Variants in PDE8B observed in about 807,000 individuals in gnomAD.
PDE8B encodes the protein phosphodiesterase 8B, also known as high affinity cAMP-specific and IBMX-insensitive 3',5'-cyclic phosphodiesterase 8B.
PDE8B carries 26 observed loss-of-function variants against 101.3 expected under a neutral mutation model. The observed-to-expected ratio is 0.26, with a 90% CI of 0.19 to 0.36. The LOEUF (loss-of-function observed/expected upper bound fraction) is 0.36, where lower values mean the gene tolerates loss of function less well. Among genes scored for constraint, PDE8B ranks in the 10% least tolerant of loss-of-function variants. The pLI is 1.00. For synonymous variants in PDE8B, 424 were observed against 429.3 expected (o/e 0.99, Z 0.15); for missense variants, 810 against 1,163.1 (o/e 0.70, Z 4.42).
intron 12 of PDE8B, 43 bp from the exon 13 acceptor site, chr5:77,407,338 T>C (rs764242677): frequency 3.3e-6 from 5 of 1,523,050 alleles, no homozygotes; most frequent in African/African-American, 1.4e-5. Flanking sequence ...TTAGCCACAC[T>C]GAGCCACCGG....
At chr5:77,129,486 AT>A in the PDE8B span, among the ~76,000 whole-genome samples, 1 of 151,192 alleles carries the variant, frequency 6.6e-6, no homozygotes. Context: ...GAGTGATCAC[AT>A]TTCTACCTTA....
chr5:77,234,615 C>T (rs899021640), intron 1 of PDE8B, among the ~76,000 whole-genome samples: 5 of 152,134 alleles, frequency 3.3e-5, no homozygotes, highest in African/African-American at 7.2e-5. Flanking sequence ...CTTGTCTAGT[C>T]TACCAGAGAC....
chr5:77,132,793 A>G, the PDE8B span, among the ~76,000 whole-genome samples: 2 of 152,184 alleles, frequency 1.3e-5, no homozygotes, highest in South Asian at 4.1e-4. Context: ...CTTATTCTCT[A>G]GTAGCTTCTA....
chr5:77,401,726 T>C (rs1350726580), intron 11 of PDE8B, among the ~76,000 whole-genome samples: 2 of 152,190 alleles, frequency 1.3e-5, no homozygotes, highest in Admixed American at 6.5e-5. Flanking sequence ...GCTGTTTAAA[T>C]GTCCTTTATC....
intron 1 of PDE8B, among the ~76,000 whole-genome samples, chr5:77,260,254 A>G (rs1368847852): frequency 2.0e-5 from 3 of 152,102 alleles, no homozygotes; most frequent in Non-Finnish European, 4.4e-5. Flanking sequence ...TAATTTGGTC[A>G]TTCAGGATTC....
the PDE8B span, among the ~76,000 whole-genome samples, chr5:77,123,757 C>A: frequency 6.6e-6 from 1 of 152,104 alleles, no homozygotes; most frequent in African/African-American, 2.4e-5. Context: ...ACTCTTGATT[C>A]TTTGCCTGAA....
chr5:77,345,272 T>C (rs1297098806), intron 7 of PDE8B, among the ~76,000 whole-genome samples: 2 of 152,152 alleles, frequency 1.3e-5, no homozygotes, highest in African/African-American at 4.8e-5. Context: ...GTTCAAGTGA[T>C]TCTTGTGCCT....
At chr5:77,375,101 G>T (rs79870742) in intron 10 of PDE8B, among the ~76,000 whole-genome samples, 1 of 152,196 alleles carries the variant, frequency 6.6e-6, no homozygotes, top group Non-Finnish European at 1.5e-5. Context: ...TGCCATATAC[G>T]TGATGGTGTA....
the PDE8B span, among the ~76,000 whole-genome samples, chr5:77,182,499 A>G: frequency 6.6e-6 from 1 of 152,042 alleles, no homozygotes; most frequent in South Asian, 2.1e-4. Flanking sequence ...TCCAGCCACA[A>G]CCTCCCTGTT....
upstream of PDE8B, among the ~76,000 whole-genome samples, chr5:77,209,140 T>C (rs535658744): frequency 2.3e-4 from 35 of 152,268 alleles, no homozygotes; most frequent in African/African-American, 8.4e-4. Context: ...AAATACAGCA[T>C]AGACTTTTTC....
chr5:77,382,770 T>G (rs1249205531), intron 10 of PDE8B, among the ~76,000 whole-genome samples: 1 of 151,878 alleles, frequency 6.6e-6, no homozygotes, highest in Non-Finnish European at 1.5e-5. Flanking sequence ...GAACTCATCC[T>G]TTTTTTATGG....
the PDE8B span, among the ~76,000 whole-genome samples, chr5:77,198,343 G>T: frequency 6.6e-6 from 1 of 152,114 alleles, no homozygotes; most frequent in East Asian, 1.9e-4. Context: ...CAGTCACTCT[G>T]TTTCTGGTCT....
chr5:77,376,889 CAG>C (rs886403704), intron 10 of PDE8B, among the ~76,000 whole-genome samples: 1 of 152,084 alleles, frequency 6.6e-6, no homozygotes, highest in African/African-American at 2.4e-5. Flanking sequence ...GCTAGTGTAA[CAG>C]GGGTGGGGAA....
At chr5:77,285,365 A>AAG (rs1418425353) in intron 1 of PDE8B, among the ~76,000 whole-genome samples, 3 of 152,176 alleles carry the variant, frequency 2.0e-5, no homozygotes, top group Admixed American at 6.5e-5. Flanking sequence ...TCTTATAACG[A>AAG]AGATCTGTGG....
intron 11 of PDE8B, 79 bp downstream of exon 11, chr5:77,400,369 C>CT (rs1291022376): frequency 3.2e-6 from 3 of 940,770 alleles, no homozygotes. Context: ...CTGAAGAAGT[C>CT]TAAGTTGACA....
chr5:77,296,335 C>T (rs1768564856), intron 1 of PDE8B, among the ~76,000 whole-genome samples: 1 of 152,062 alleles, frequency 6.6e-6, no homozygotes, highest in African/African-American at 2.4e-5. Context: ...AAACATGGCT[C>T]ACTGCAGCCT....
intron 1 of PDE8B, among the ~76,000 whole-genome samples, chr5:77,260,699 C>T (rs1273134269): frequency 6.0e-5 from 9 of 150,734 alleles, no homozygotes; most frequent in Non-Finnish European, 7.4e-5. Flanking sequence ...TCAATTCTCA[C>T]GCCTCAGCCA....
chr5:77,100,973 T>TA, the PDE8B span, among the ~76,000 whole-genome samples: 1 of 147,958 alleles, frequency 6.8e-6, no homozygotes, highest in Non-Finnish European at 1.5e-5. Context: ...TCCTTTTTTT[T>TA]TTTTTTTTTT....
intron 1 of PDE8B, among the ~76,000 whole-genome samples, chr5:77,256,049 G>T (rs961221398): frequency 2.0e-5 from 3 of 152,156 alleles, no homozygotes; most frequent in Non-Finnish European, 2.9e-5. Context: ...GTTTTGGAGA[G>T]ATTCGAATTT....
Sources: allele counts gnomAD v4.1 joint callset (sites outside exome capture counted in the v4.1 genomes callset), GRCh38; gene constraint gnomAD v4.1.1; transcripts MANE v1.5; gene names NCBI Gene and HGNC (gene_info 2026-07-23, HGNC 2026-07-21).